Variants in KDELR1 observed in about 807,000 individuals in gnomAD.
KDELR1 encodes ER lumen protein-retaining receptor 1.
A neutral mutation model predicts 25.5 loss-of-function variants in KDELR1; 16 were observed. The ratio of observed to expected loss-of-function variants is 0.63; its 90% CI spans 0.43 to 0.95. The LOEUF is 0.95. Ranked by LOEUF, KDELR1 falls within the 40% of genes least tolerant of loss-of-function variation. The probability of loss-of-function intolerance (pLI) is 0.00; values close to 1 mark genes in which losing one functional copy is unlikely to be tolerated. For synonymous variants in KDELR1, 121 were observed against 115.0 expected (o/e 1.05, Z -0.33); for missense variants, 159 against 265.2 (o/e 0.60, Z 2.78).
At chr19:48,387,402 G>A (rs2147421296) in intron 3 of KDELR1, among the ~76,000 whole-genome samples, 2 of 151,782 alleles carry the variant, frequency 1.3e-5, no homozygotes, top group Middle Eastern at 6.8e-3. Flanking sequence ...TGTTTTGAAG[G>A]CCAGGCACGG....
intron 3 of KDELR1, among the ~76,000 whole-genome samples, chr19:48,386,892 C>A (rs916853517): frequency 6.6e-6 from 1 of 151,920 alleles, no homozygotes; most frequent in African/African-American, 2.4e-5. Context: ...CATAGCAAAA[C>A]CCTGTCTCTC....
At chr19:48,396,801 C>G in the KDELR1 span, among the ~76,000 whole-genome samples, 438 of 152,044 alleles carry the variant, frequency 2.9e-3, 8 homozygotes, top group East Asian at 0.023. Context: ...GTGGGGTGGA[C>G]GAGGCCTGCG....
chr19:48,389,336 G>A (rs960443305), intron 3 of KDELR1: 1 of 563,562 alleles, frequency 1.8e-6, no homozygotes, highest in Non-Finnish European at 3.2e-6. Context: ...AGAAAAGTAA[G>A]TAGGTGAAAT....
chr19:48,391,371 C>T lies in KDELR1; in HGVS notation c.-13G>A. On this transcript the variant is annotated 5_prime_UTR_variant, in exon 1 of 5. Transcript: ENST00000330720. ...GGAAGAGATTCATGGCTGGGGAACC[C>T]TGGCAGGGCTGAGCGGGAGGGAGGC... 1.3e-6 allele frequency: 2 copies of T among 1,549,642 alleles called. No individual in the cohort carries two copies. Among genetic ancestry groups the T allele is most frequent in the African/African-American group, 1.4e-5 (1 of 73,184 alleles).
At chr19:48,396,793 G>T in the KDELR1 span, among the ~76,000 whole-genome samples, 1 of 152,044 alleles carries the variant, frequency 6.6e-6, no homozygotes, top group African/African-American at 2.4e-5. Context: ...GGCTGTCTGT[G>T]GGGTGGACGA....
Position 48,384,873 on chromosome 19 carries a change from C to A in KDELR1, c.352-391G>T, listed in dbSNP as rs550891794. Reference sequence around the variant, plus strand: ...GTTGGAATCTTGCCTTGGAAATTTCCCTTCCTTTTTCTTTTTCTTTTTTTT... The same window carrying A: ...GTTGGAATCTTGCCTTGGAAATTTCACTTCCTTTTTCTTTTTCTTTTTTTT... On this transcript the variant is annotated intron_variant, in intron 3 of 4. Transcript: ENST00000330720. The surrounding 1 kb of genome is among the most constrained non-coding windows in gnomAD (Gnocchi z 4.6). Among the ~76,000 whole-genome samples the A allele has an allele frequency of 2.9e-4, 43 of 149,806 alleles. No individual in the cohort carries two copies. Among genetic ancestry groups the A allele is most frequent in the African/African-American group, 9.6e-4 (39 of 40,742 alleles).
chr19:48,384,886 T>C lies in KDELR1; in HGVS notation c.352-404A>G, dbSNP rs1356372558. Among the ~76,000 whole-genome samples the C allele has an allele frequency of 7.8e-6, 1 of 127,756 alleles. No homozygotes were observed. Among genetic ancestry groups the C allele is most frequent in the African/African-American group, 3.0e-5 (1 of 33,874 alleles). 83.8% of individuals were successfully genotyped at this position (127,756 alleles called of 152,430 possible). A position where few individuals can be genotyped will look rare whatever the true frequency, so the allele number is the denominator to read the frequency against. The stretch of plus-strand genomic sequence containing the variant: ...CTTGGAAATTTCCCTTCCTTTTTCT[T>C]TTTCTTTTTTTTTTTTTTGAGATGG... On this transcript the variant is annotated intron_variant, in intron 3 of 4. Transcript: ENST00000330720. This position sits in a 1 kb window ranked among gnomAD's most constrained non-coding sequence, Gnocchi z 4.6.
intron 2 of KDELR1, 141 bp from the exon 3 acceptor site, chr19:48,389,852 C>T (rs1236255619): frequency 1.3e-6 from 1 of 765,226 alleles, no homozygotes; most frequent in Non-Finnish European, 2.0e-6. Flanking sequence ...GGAGTCCAAG[C>T]CCCCAGCCCC....
intron 3 of KDELR1, 163 bp downstream of exon 3, chr19:48,389,390 T>C (rs1395179863): frequency 1.4e-6 from 1 of 719,766 alleles, no homozygotes; most frequent in East Asian, 2.6e-5. Flanking sequence ...GCTGCTGTTG[T>C]GTTAATTTCC....
upstream of KDELR1, among the ~76,000 whole-genome samples, chr19:48,393,917 G>T (rs931356410): frequency 5.9e-5 from 9 of 152,156 alleles, no homozygotes; most frequent in South Asian, 4.2e-4. This position sits in a 1 kb window ranked among gnomAD's most constrained non-coding sequence, Gnocchi z 5.6. Flanking sequence ...TGGAGGGGGG[G>T]TGTGTCTGTA....
intron 3 of KDELR1, among the ~76,000 whole-genome samples, chr19:48,386,076 A>G (rs1221443571): frequency 1.3e-5 from 2 of 150,736 alleles, no homozygotes; most frequent in Admixed American, 1.3e-4. Context: ...TAGGGAACAG[A>G]GTCACCGTTT....
chr19:48,389,664 G>A lies in KDELR1; in HGVS notation c.240C>T (p.Ser80=). 1.9e-6 allele frequency: 3 copies of A among 1,614,118 alleles called. No individual in the cohort carries two copies. The highest frequency in any genetic ancestry group is 2.5e-6 in the Non-Finnish European group (3 of 1,179,984). ...TCCCATCGTAAGTAGCTTTGAACTT[G>A]CTATAAATCAACCAGACCGTGGTGA... ...CSFTTVWLIY[S]KFKATYDGNH... The change falls in exon 3 of 5, where the codon AGC becomes AGT. Residue 80 remains serine, a synonymous_variant. Coordinates refer to ENST00000330720, the MANE Select transcript of KDELR1 (RefSeq NM_006801.3).
upstream of KDELR1, among the ~76,000 whole-genome samples, chr19:48,396,028 G>A (rs1368971773): frequency 6.6e-6 from 1 of 152,150 alleles, no homozygotes; most frequent in Non-Finnish European, 1.5e-5. Flanking sequence ...CTTTACGGGA[G>A]GAGGTAGGGG....
At chr19:48,386,136 C>T (rs10422217) in intron 3 of KDELR1, among the ~76,000 whole-genome samples, 30,085 of 149,434 alleles carry the variant, frequency 0.2, 3,677 homozygotes, top group African/African-American at 0.32. Flanking sequence ...TTCCTGAGGC[C>T]GAGTTTCACT....
upstream of KDELR1, among the ~76,000 whole-genome samples, chr19:48,396,178 C>A (rs780295043): frequency 6.9e-6 from 1 of 145,862 alleles, no homozygotes; most frequent in East Asian, 2.0e-4. Flanking sequence ...GAGATGGAGG[C>A]GGGGGGAGCG....
upstream of KDELR1, among the ~76,000 whole-genome samples, chr19:48,394,486 G>C (rs1335174981): frequency 2.0e-5 from 3 of 150,744 alleles, no homozygotes; most frequent in African/African-American, 7.3e-5. This position sits in a 1 kb window ranked among gnomAD's most constrained non-coding sequence, Gnocchi z 5.1. Flanking sequence ...ACAAAGCGGG[G>C]GTGCGAGTGA....
chr19:48,394,031 C>T (rs566428905), upstream of KDELR1, among the ~76,000 whole-genome samples: 79 of 152,228 alleles, frequency 5.2e-4, no homozygotes, highest in African/African-American at 1.9e-3. The surrounding 1 kb of genome is among the most constrained non-coding windows in gnomAD (Gnocchi z 5.1). Flanking sequence ...CCGGCCCCCC[C>T]AAACCCAGAT....
intron 1 of KDELR1, among the ~76,000 whole-genome samples, chr19:48,391,016 G>A (rs1426202544): frequency 1.3e-5 from 2 of 151,972 alleles, no homozygotes; most frequent in African/African-American, 2.4e-5. Flanking sequence ...GAACCCTCGG[G>A]CTGCCCAGAT....
At chr19:48,389,219 G>A (rs1258105818) in intron 3 of KDELR1, among the ~76,000 whole-genome samples, 1 of 151,918 alleles carries the variant, frequency 6.6e-6, no homozygotes, top group Non-Finnish European at 1.5e-5. Context: ...GCAGTGAGCC[G>A]AGATCATGCC....
Sources: allele counts gnomAD v4.1 joint callset (sites outside exome capture counted in the v4.1 genomes callset), GRCh38; gene constraint gnomAD v4.1.1; non-coding constraint Gnocchi (gnomAD v3.1); transcripts MANE v1.5; gene names NCBI Gene and HGNC (gene_info 2026-07-23, HGNC 2026-07-21).